The following NETO2 variants were observed in gnomAD, a reference collection of about 807,000 sequenced individuals.
NETO2 encodes the protein neuropilin and tolloid like 2.
In NETO2, 28 loss-of-function variants were observed where a neutral mutation model predicts 62.5. The observed-to-expected ratio is 0.45, with a 90% CI of 0.33 to 0.61. NETO2 has a LOEUF of 0.61. Among genes scored for constraint, NETO2 ranks in the 20% least tolerant of loss-of-function variants. The pLI, the probability that NETO2 is intolerant of heterozygous loss-of-function variation, is 0.02. For missense variants in NETO2, 548 were observed against 643.2 expected (o/e 0.85, Z 1.60); for synonymous variants, 214 against 219.1 (o/e 0.98, Z 0.21).
At chr16:47,095,573 G>A (rs532139864) in intron 7 of NETO2, among the ~76,000 whole-genome samples, 44 of 152,102 alleles carry the variant, frequency 2.9e-4, no homozygotes, top group African/African-American at 1.0e-3. Context: ...AAAAGGACAC[G>A]GTATATTGAT....
chr16:47,135,158 A>G (rs1033656331), intron 1 of NETO2, among the ~76,000 whole-genome samples: 4 of 152,258 alleles, frequency 2.6e-5, no homozygotes, highest in Non-Finnish European at 5.9e-5. Flanking sequence ...CCTGAGTTGT[A>G]TAACAAGGTC....
At position 47,086,194 on chromosome 16, in the gene NETO2, C is replaced by T. The variant is rs750633958; in HGVS notation, c.997+32G>A. The stretch of plus-strand genomic sequence containing the variant: ...AATGAAGGGCAATAGCCACTCTTTT[C>T]TCAAAAATGTTGGCCTTTACATCAA... On this transcript the variant is annotated intron_variant, in intron 8 of 8. Coordinates refer to ENST00000562435, the MANE Select transcript of NETO2 (RefSeq NM_018092.5). The T allele has an allele frequency of 2.4e-6, 3 of 1,243,488 alleles. No homozygotes were observed. The Admixed American group carries it at 5.0e-5, about 21-fold the overall frequency. 77.0% of individuals were successfully genotyped at this position (1,243,488 alleles called of 1,614,324 possible). A position where few individuals can be genotyped will look rare whatever the true frequency, so the allele number is the denominator to read the frequency against.
intron 7 of NETO2, among the ~76,000 whole-genome samples, chr16:47,093,393 G>A (rs2143828146): frequency 6.6e-6 from 1 of 152,308 alleles, no homozygotes; most frequent in South Asian, 2.1e-4. Flanking sequence ...GATGCTGCCT[G>A]TTTGAAGGAA....
intron 2 of NETO2, 34 bp from the exon 3 acceptor site, chr16:47,129,398 C>G (rs146493143): frequency 1.9e-6 from 3 of 1,604,762 alleles, no homozygotes; most frequent in South Asian, 1.1e-5. Context: ...ACACTCATTA[C>G]AGCAAAAGAG....
intron 6 of NETO2, among the ~76,000 whole-genome samples, chr16:47,112,541 G>A (rs1056791840): frequency 6.6e-6 from 1 of 151,900 alleles, no homozygotes; most frequent in Non-Finnish European, 1.5e-5. Flanking sequence ...TGTATTTTTA[G>A]TAGAGATGGG....
intron 6 of NETO2, among the ~76,000 whole-genome samples, chr16:47,115,633 T>C (rs912721517): frequency 6.7e-6 from 1 of 149,242 alleles, no homozygotes; most frequent in South Asian, 2.1e-4. Flanking sequence ...GCTTAAGTGA[T>C]CCTCCTGCCT....
chr16:47,095,066 G>A (rs1374585452), intron 7 of NETO2, among the ~76,000 whole-genome samples: 1 of 152,204 alleles, frequency 6.6e-6, no homozygotes, highest in African/African-American at 2.4e-5. Flanking sequence ...CTTTTAAGTT[G>A]TGGTGGTTGT....
chr16:47,122,187 G>C (rs1245377535), intron 6 of NETO2, among the ~76,000 whole-genome samples: 5 of 152,150 alleles, frequency 3.3e-5, no homozygotes, highest in Non-Finnish European at 7.3e-5. Context: ...TCCAATAAAA[G>C]CACCCCATGA....
chr16:47,085,540 C>A (rs542998659), intron 8 of NETO2, among the ~76,000 whole-genome samples: 2 of 151,902 alleles, frequency 1.3e-5, no homozygotes, highest in Non-Finnish European at 2.9e-5. Flanking sequence ...TGCCACCACG[C>A]CTAGCTGATT....
At chr16:47,142,065 T>G (rs1284171299) in intron 1 of NETO2, among the ~76,000 whole-genome samples, 1 of 152,130 alleles carries the variant, frequency 6.6e-6, no homozygotes, top group Non-Finnish European at 1.5e-5. Context: ...CTTACCGTAG[T>G]GAGGGCGCAA....
At chr16:47,125,178 C>T in intron 4 of NETO2, among the ~76,000 whole-genome samples, 1 of 152,148 alleles carries the variant, frequency 6.6e-6, no homozygotes, top group Admixed American at 6.5e-5. Flanking sequence ...TCAATTACTT[C>T]AGTTAGTTGA....
At chr16:47,086,413 C>T (rs1963191376) in intron 7 of NETO2, 74 bp from the exon 8 acceptor site, 2 of 957,314 alleles carry the variant, frequency 2.1e-6, no homozygotes, top group South Asian at 2.7e-5. Context: ...ACAAATCTGA[C>T]TTTATAAGAG....
intron 6 of NETO2, among the ~76,000 whole-genome samples, chr16:47,120,456 T>C (rs1372936918): frequency 1.3e-5 from 2 of 152,236 alleles, no homozygotes; most frequent in African/African-American, 4.8e-5. Context: ...TGCATAATAA[T>C]TACATTAGGA....
At chr16:47,135,695 A>G (rs1351692368) in intron 1 of NETO2, among the ~76,000 whole-genome samples, 1 of 152,154 alleles carries the variant, frequency 6.6e-6, no homozygotes, top group Non-Finnish European at 1.5e-5. Flanking sequence ...TTTTAGCTCT[A>G]AGCAGACAAT....
At chr16:47,089,548 A>G (rs987858191) in intron 7 of NETO2, among the ~76,000 whole-genome samples, 1 of 152,210 alleles carries the variant, frequency 6.6e-6, no homozygotes, top group Non-Finnish European at 1.5e-5. Flanking sequence ...ATTTATCCAG[A>G]GACTGCTAAC....
At chr16:47,084,894 T>C (rs1187620441) in intron 8 of NETO2, among the ~76,000 whole-genome samples, 1 of 152,126 alleles carries the variant, frequency 6.6e-6, no homozygotes, top group African/African-American at 2.4e-5. Flanking sequence ...TTATTATATA[T>C]TACAATGTAA....
At chr16:47,117,668 T>C (rs1236797297) in intron 6 of NETO2, among the ~76,000 whole-genome samples, 5 of 152,216 alleles carry the variant, frequency 3.3e-5, no homozygotes. Flanking sequence ...ATTCAGATTT[T>C]TCTTTTAGTT....
Position 47,131,956 on chromosome 16 carries a change from G to A in NETO2, c.91+13C>T. ...CTTAAACATGCAGTAAGTCACCAAT[G>A]TAAGTACTTTACCTTGGGTTTTTTG... On this transcript the variant is annotated intron_variant, in intron 2 of 8. Transcript: ENST00000562435. 6.2e-7 allele frequency: 1 copy of A among 1,607,108 alleles called. No homozygotes were observed. The highest frequency in any genetic ancestry group is 8.5e-7 in the Non-Finnish European group (1 of 1,174,288).
chr16:47,143,435 C>G, intron 1 of NETO2, 144 bp downstream of exon 1: 1 of 1,026,026 alleles, frequency 9.7e-7, no homozygotes, highest in Non-Finnish European at 1.2e-6. Context: ...CCCCGCGGTC[C>G]GCTCCGAGTA....
Sources: allele counts gnomAD v4.1 joint callset (sites outside exome capture counted in the v4.1 genomes callset), GRCh38; gene constraint gnomAD v4.1.1; transcripts MANE v1.5; gene names NCBI Gene and HGNC (gene_info 2026-07-23, HGNC 2026-07-21).